Variants in MEIS1 observed in about 807,000 individuals in gnomAD.
MEIS1 encodes the protein Meis homeobox 1.
Under a neutral mutation model 50.8 loss-of-function variants are expected in MEIS1, and 5 were observed. The ratio of observed to expected loss-of-function variants is 0.10; its 90% CI spans 0.05 to 0.21. The LOEUF is 0.21. Ranked by LOEUF, MEIS1 falls within the 10% of genes least tolerant of loss-of-function variation. The pLI is 1.00. For missense variants in MEIS1, 318 were observed against 517.3 expected, an observed-to-expected ratio of 0.61 and a Z score of 3.74; for synonymous variants, 176 against 179.3, an observed-to-expected ratio of 0.98 and a Z score of 0.15.
intron 6 of MEIS1, among the ~76,000 whole-genome samples, chr2:66,462,668 C>T (rs750834280): frequency 6.6e-6 from 1 of 152,144 alleles, no homozygotes; most frequent in Non-Finnish European, 1.5e-5. Flanking sequence ...GCGTGTGTTC[C>T]AGATTACGTC....
chr2:66,511,091 A>T (rs755619849), intron 7 of MEIS1, among the ~76,000 whole-genome samples: 1 of 152,158 alleles, frequency 6.6e-6, no homozygotes, highest in Non-Finnish European at 1.5e-5. Flanking sequence ...GGTTTCTAAG[A>T]GAACGGTTGA....
At chr2:66,456,833 A>C (rs979511571) in intron 6 of MEIS1, among the ~76,000 whole-genome samples, 2 of 152,174 alleles carry the variant, frequency 1.3e-5, no homozygotes, top group African/African-American at 4.8e-5. Context: ...TGCCTCAGGC[A>C]CCTACCACTA....
At chr2:66,518,318 C>G (rs6707678) in intron 8 of MEIS1, among the ~76,000 whole-genome samples, 36,189 of 152,090 alleles carry the variant, frequency 0.24, 5,180 homozygotes, top group Non-Finnish European at 0.33. Flanking sequence ...ATTCATTTCA[C>G]CAATGGTTGT....
chr2:66,501,006 C>T (rs1673541006), intron 7 of MEIS1, among the ~76,000 whole-genome samples: 1 of 151,960 alleles, frequency 6.6e-6, no homozygotes, highest in South Asian at 2.1e-4. Context: ...TGTGTGTCTG[C>T]CTGTCTGTGA....
At chr2:66,517,003 G>T (rs1425034440) in intron 8 of MEIS1, among the ~76,000 whole-genome samples, 1 of 152,150 alleles carries the variant, frequency 6.6e-6, no homozygotes, top group Non-Finnish European at 1.5e-5. Context: ...GGACTTACAG[G>T]TAGGCACATG....
rs902720223 is a variant in MEIS1 at position 66,515,175 on chromosome 2, T to C, written c.888+2881T>C. Among the ~76,000 whole-genome samples the C allele has an allele frequency of 5.9e-5, 9 of 152,330 alleles. No individual in the cohort carries two copies. The East Asian group carries it at 1.2e-3, about 20-fold the overall frequency. On this transcript the variant is annotated intron_variant, in intron 8 of 12. Transcript: ENST00000272369. ...AAAAAGCCATTGAAATTCTGGCTAA[T>C]TAAAACAATAGCAATACCAATTTAT...
chr2:66,565,883 A>C (rs549513634), intron 9 of MEIS1, among the ~76,000 whole-genome samples: 60 of 152,292 alleles, frequency 3.9e-4, no homozygotes, highest in African/African-American at 1.4e-3. Context: ...CTAATTGGTC[A>C]TGCAGTGAAG....
chr2:66,449,605 A>C (rs547655906), intron 6 of MEIS1, among the ~76,000 whole-genome samples: 6 of 152,160 alleles, frequency 3.9e-5, no homozygotes, highest in Non-Finnish European at 8.8e-5. Flanking sequence ...ACACTTGTAA[A>C]TTGGACATTT....
At chr2:66,463,121 G>T (rs1353288082) in intron 6 of MEIS1, among the ~76,000 whole-genome samples, 1 of 151,734 alleles carries the variant, frequency 6.6e-6, no homozygotes, top group Non-Finnish European at 1.5e-5. Context: ...AATGATATTG[G>T]AAGGGTCAGC....
In MEIS1 at chr2:66,460,904, A is replaced by G. The variant is rs141703222; in HGVS notation, c.631-3205A>G. Among the ~76,000 whole-genome samples the G allele has an allele frequency of 5.3e-5, 8 of 152,300 alleles. No homozygotes were observed. The East Asian group carries it at 1.5e-3, about 29-fold the overall frequency. ...TTGGGAAAAATATGCAAGTATCCACATAAACCCAAATATTATTCCAACAAG... is the reference window on the plus strand; with the variant it reads ...TTGGGAAAAATATGCAAGTATCCACGTAAACCCAAATATTATTCCAACAAG... On this transcript the variant is annotated intron_variant, in intron 6 of 12. Transcript: ENST00000272369.
At chr2:66,476,041 C>T (rs1414779785) in intron 7 of MEIS1, among the ~76,000 whole-genome samples, 1 of 152,126 alleles carries the variant, frequency 6.6e-6, no homozygotes, top group Non-Finnish European at 1.5e-5. Context: ...GTCTTTTCTC[C>T]CTCCATCTGA....
rs77821105 is a variant in MEIS1 at position 66,499,429 on chromosome 2, A to G, written c.743-12720A>G. 8.1e-3 allele frequency among the ~76,000 whole-genome samples: 1,221 copies of G among 151,622 alleles called. 5 individuals carry two copies. Among genetic ancestry groups the G allele is most frequent in the Non-Finnish European group, 0.012 (818 of 67,874 alleles). On this transcript the variant is annotated intron_variant, in intron 7 of 12. Coordinates refer to ENST00000272369, the MANE Select transcript of MEIS1 (RefSeq NM_002398.3). ...CAACTTCTGCCTGATCCTAGGATGG[A>G]CTCTCTCATCCCTCATTCTCTATCA...
At chr2:66,445,031 T>G (rs1038399648) in intron 6 of MEIS1, among the ~76,000 whole-genome samples, 6 of 152,038 alleles carry the variant, frequency 3.9e-5, no homozygotes, top group Admixed American at 3.9e-4. Flanking sequence ...ATCATGGAGC[T>G]CCCCCCTTCT....
chr2:66,504,923 TG>T (rs1673651826), intron 7 of MEIS1, among the ~76,000 whole-genome samples: 1 of 152,218 alleles, frequency 6.6e-6, no homozygotes, highest in African/African-American at 2.4e-5. Context: ...TTTGATTAAC[TG>T]GGAATCACTT....
intron 8 of MEIS1, among the ~76,000 whole-genome samples, chr2:66,532,540 T>A (rs955511078): frequency 3.3e-5 from 5 of 151,990 alleles, no homozygotes; most frequent in Admixed American, 6.6e-5. Flanking sequence ...TGTTATAAAA[T>A]AGGGCCCCTG....
At position 66,440,654 on chromosome 2, in the gene MEIS1, C is replaced by T. The variant is rs1238891521; in HGVS notation, c.432+42C>T. ...ATTTCCCTCCCCCGCCCCCGACCCC[C>T]TACCTCCCACCTCCAACGCCCTCAG... On this transcript the variant is annotated intron_variant, in intron 4 of 12. Coordinates refer to ENST00000272369, the MANE Select transcript of MEIS1 (RefSeq NM_002398.3). The T allele has an allele frequency of 3.6e-6, 5 of 1,381,676 alleles. No homozygotes were observed. In the South Asian group the frequency reaches 6.2e-5, roughly 17 times the overall value. 85.6% of individuals were successfully genotyped at this position (1,381,676 alleles called of 1,614,324 possible). A position where few individuals can be genotyped will look rare whatever the true frequency, so the allele number is the denominator to read the frequency against.
chr2:66,504,010 G>C (rs1673627558), intron 7 of MEIS1, among the ~76,000 whole-genome samples: 1 of 151,988 alleles, frequency 6.6e-6, no homozygotes. Context: ...CTCCCAAAGA[G>C]CTGGGATTAC....
chr2:66,487,635 C>T (rs955686391), intron 7 of MEIS1, among the ~76,000 whole-genome samples: 1 of 152,176 alleles, frequency 6.6e-6, no homozygotes, highest in East Asian at 1.9e-4. Context: ...CTGGGAACTC[C>T]TGAGTGTCCT....
intron 8 of MEIS1, among the ~76,000 whole-genome samples, chr2:66,530,790 T>C (rs996806003): frequency 6.6e-6 from 1 of 152,208 alleles, no homozygotes; most frequent in African/African-American, 2.4e-5. Flanking sequence ...TGCCATCATA[T>C]GTAGGTTAGT....
Sources: allele counts gnomAD v4.1 joint callset (sites outside exome capture counted in the v4.1 genomes callset), GRCh38; gene constraint gnomAD v4.1.1; transcripts MANE v1.5; gene names NCBI Gene and HGNC (gene_info 2026-07-23, HGNC 2026-07-21).